DRD3: variants seen among roughly 807,000 people sequenced by gnomAD.
DRD3 encodes the protein dopamine receptor D3, also known as D(3) dopamine receptor.
DRD3 carries 19 observed loss-of-function variants against 36.3 expected under a neutral mutation model. That is an observed-to-expected ratio of 0.52 (90% confidence interval 0.36 to 0.77). The LOEUF is 0.77. Among genes scored for constraint, DRD3 ranks in the 30% least tolerant of loss-of-function variants. The pLI is 0.00. For missense variants in DRD3, 465 were observed against 505.3 expected (o/e 0.92, Z 0.77); for synonymous variants, 195 against 203.7 (o/e 0.96, Z 0.36).
At chr3:114,160,043 G>A (rs772434240) in intron 2 of DRD3, among the ~76,000 whole-genome samples, 176 bp from the exon 3 acceptor site, 2 of 152,166 alleles carry the variant, frequency 1.3e-5, no homozygotes, top group South Asian at 2.1e-4. Context: ...TCCAAAACTG[G>A]TTGCCTAAAG....
chr3:114,168,092 T>C (rs1189434330), intron 2 of DRD3, among the ~76,000 whole-genome samples: 1 of 152,226 alleles, frequency 6.6e-6, no homozygotes, highest in African/African-American at 2.4e-5. Context: ...CATTCTGTTT[T>C]TTCATTTAAG....
At chr3:114,160,638 G>T (rs973328766) in intron 2 of DRD3, among the ~76,000 whole-genome samples, 2 of 152,152 alleles carry the variant, frequency 1.3e-5, no homozygotes, top group African/African-American at 4.8e-5. Flanking sequence ...ATGCACTCAA[G>T]AAATAAGCTA....
At chr3:114,170,910 G>T (rs1358127665) in intron 2 of DRD3, among the ~76,000 whole-genome samples, 1 of 152,062 alleles carries the variant, frequency 6.6e-6, no homozygotes, top group Non-Finnish European at 1.5e-5. Flanking sequence ...TTAAGTAATT[G>T]CATGTTTTCC....
At position 114,187,108 on chromosome 3, in the gene DRD3, T is replaced by C. The variant is rs2077979917; in HGVS notation, c.-155-8332A>G. 2.6e-5 allele frequency among the ~76,000 whole-genome samples: 4 copies of C among 152,366 alleles called. No individual in the cohort carries two copies. In the Middle Eastern group the frequency reaches 0.01, roughly 389 times the overall value. On this transcript the variant is annotated intron_variant, in intron 1 of 7. Transcript: ENST00000460779. ...CATGGGGAATAAGATGGAGGAGTAGTAGAGGCACTTTAACTTTTTCATAGT... is the reference window on the plus strand; with the variant it reads ...CATGGGGAATAAGATGGAGGAGTAGCAGAGGCACTTTAACTTTTTCATAGT...
At chr3:114,158,260 A>AC (rs1295239224) in intron 3 of DRD3, among the ~76,000 whole-genome samples, 1 of 151,604 alleles carries the variant, frequency 6.6e-6, no homozygotes, top group African/African-American at 2.4e-5. Context: ...AAAAAGAAAA[A>AC]AAAAAAAAGG....
At chr3:114,142,295 G>A (rs11921500) in intron 4 of DRD3, among the ~76,000 whole-genome samples, 10,546 of 152,106 alleles carry the variant, frequency 0.069, 736 homozygotes, top group African/African-American at 0.18. Flanking sequence ...ATAAGGAGGC[G>A]TTTCACATGT....
chr3:114,153,302 A>T (rs2077636030), intron 3 of DRD3, among the ~76,000 whole-genome samples: 1 of 151,862 alleles, frequency 6.6e-6, no homozygotes, highest in Non-Finnish European at 1.5e-5. Flanking sequence ...AGTGATTAAT[A>T]CTAAACATTC....
rs116042331 is a variant in DRD3, at chr3:114,149,001, C to T, written c.384-1444G>A. Among the ~76,000 whole-genome samples, 490 of 152,296 alleles carry T rather than the reference C, an allele frequency of 3.2e-3. 4 individuals are homozygous for T. Among genetic ancestry groups the T allele is most frequent in the African/African-American group, 0.011 (467 of 41,548 alleles). On this transcript the variant is annotated intron_variant, in intron 3 of 6. Coordinates refer to ENST00000383673, the MANE Select transcript of DRD3 (RefSeq NM_000796.6). The stretch of plus-strand genomic sequence containing the variant: ...GTGCTAGGATTATAGGTGTGAGGCA[C>T]TGTGCTCAGCCTTGGTCATTTATTC...
intron 5 of DRD3, among the ~76,000 whole-genome samples, chr3:114,135,654 A>C (rs2077468031): frequency 6.6e-6 from 1 of 151,972 alleles, no homozygotes; most frequent in Non-Finnish European, 1.5e-5. Flanking sequence ...TTTACAACAG[A>C]GATTATGGTG....
In DRD3 at chr3:114,159,774, A is replaced by G; in HGVS notation, c.364T>C (p.Cys122Arg). The G allele has an allele frequency of 6.2e-7, 1 of 1,612,790 alleles. No homozygotes were observed. The highest frequency in any genetic ancestry group is 8.5e-7 in the Non-Finnish European group (1 of 1,178,818). Reference protein sequence around the residue: ...MMCTASILNLCAISIDRYTAV... With the variant: ...MMCTASILNLRAISIDRYTAV... Reference sequence around the variant, plus strand: ...CCCTACCTGTCTATGCTGATGGCACAGAGATTAAGGATGCTGGCTGTACAC... The same window carrying G: ...CCCTACCTGTCTATGCTGATGGCACGGAGATTAAGGATGCTGGCTGTACAC... Residue 122 changes from cysteine (C) to arginine (R), a missense_variant, in exon 3 of 7, where the codon TGT becomes CGT. Physicochemically the swap from Cys to Arg is radical, Grantham distance 180. Coordinates refer to ENST00000383673, the MANE Select transcript of DRD3 (RefSeq NM_000796.6).
rs201150513 is a variant in DRD3, at chr3:114,139,656, G to A, written c.567C>T (p.Val189=). The change falls in exon 5 of 7, where the codon GTC becomes GTT. Residue 189 remains valine (V), a synonymous_variant. Transcript: ENST00000383673. The stretch of plus-strand genomic sequence containing the variant: ...AGAAGGACACCACTGAAGAGTAGAT[G>A]ACAAAATCAGGGTTGGAGATGGAGC... ...TVCSISNPDF[V]IYSSVVSFYL... 1.2e-5 allele frequency: 20 copies of A among 1,614,044 alleles called. No individual in the cohort carries two copies. Among genetic ancestry groups the A allele is most frequent in the Non-Finnish European group, 1.7e-5 (20 of 1,180,020 alleles).
chr3:114,196,670 A>G (rs1313505355), intron 1 of DRD3, among the ~76,000 whole-genome samples: 1 of 152,232 alleles, frequency 6.6e-6, no homozygotes, highest in Non-Finnish European at 1.5e-5. Context: ...AATTTTAGTC[A>G]TACTAATAGA....
At chr3:114,181,450 C>T (rs933219243), upstream of DRD3, among the ~76,000 whole-genome samples, 2 of 152,320 alleles carry the variant, frequency 1.3e-5, no homozygotes, top group East Asian at 3.9e-4. Flanking sequence ...CCCATTCATA[C>T]AACAACAAAC....
chr3:114,167,045 A>G (rs563185852), intron 2 of DRD3, among the ~76,000 whole-genome samples: 14 of 152,162 alleles, frequency 9.2e-5, no homozygotes, highest in Non-Finnish European at 1.9e-4. Flanking sequence ...AATCGATATC[A>G]TTACAAAACT....
At chr3:114,135,729 G>A (rs543889904) in intron 5 of DRD3, among the ~76,000 whole-genome samples, 8 of 151,752 alleles carry the variant, frequency 5.3e-5, no homozygotes, top group East Asian at 1.9e-4. Context: ...TCCCTCTGTC[G>A]CCCAGGCTGG....
At chr3:114,195,692 T>C (rs1253967607) in intron 1 of DRD3, among the ~76,000 whole-genome samples, 1 of 152,194 alleles carries the variant, frequency 6.6e-6, no homozygotes, top group Non-Finnish European at 1.5e-5. Flanking sequence ...GCCAGTATAT[T>C]GCCATTTTGA....
chr3:114,134,528 T>C (rs893547083), intron 5 of DRD3, among the ~76,000 whole-genome samples: 1 of 152,166 alleles, frequency 6.6e-6, no homozygotes, highest in Admixed American at 6.5e-5. Context: ...CAAGCAATTT[T>C]CCTGCCTCAG....
At chr3:114,192,554 TTC>T (rs1456473375) in intron 1 of DRD3, among the ~76,000 whole-genome samples, 2 of 152,240 alleles carry the variant, frequency 1.3e-5, no homozygotes, top group African/African-American at 4.8e-5. Flanking sequence ...CTCCTTATTG[TTC>T]TCTGTCTTTT....
intron 1 of DRD3, among the ~76,000 whole-genome samples, chr3:114,186,953 A>G (rs1430815422): frequency 6.6e-6 from 1 of 152,212 alleles, no homozygotes; most frequent in African/African-American, 2.4e-5. Context: ...AGAGATATGG[A>G]AGTGTTATTA....
Sources: allele counts gnomAD v4.1 joint callset (sites outside exome capture counted in the v4.1 genomes callset), GRCh38; gene constraint gnomAD v4.1.1; transcripts MANE v1.5; gene names NCBI Gene and HGNC (gene_info 2026-07-23, HGNC 2026-07-21).